Variants in ROBO1 observed in about 807,000 individuals in gnomAD.
ROBO1 encodes the protein roundabout homolog 1.
ROBO1 carries 149 observed loss-of-function variants against 195.9 expected under a neutral mutation model. The observed-to-expected ratio is 0.76, with a 90% confidence interval of 0.67 to 0.87. The LOEUF is 0.87. Ranked by LOEUF, ROBO1 falls within the 40% of genes least tolerant of loss-of-function variation. The probability of loss-of-function intolerance (pLI) is 0.00; values close to 1 mark genes in which losing one functional copy is unlikely to be tolerated. For synonymous variants in ROBO1, 816 were observed against 733.2 expected (o/e 1.11, Z -1.82); for missense variants, 1,933 against 2,068.3 (o/e 0.93, Z 1.27).
At chr3:79,616,472 G>A (rs1031377288) in intron 1 of ROBO1, among the ~76,000 whole-genome samples, 4 of 152,102 alleles carry the variant, frequency 2.6e-5, no homozygotes, top group South Asian at 2.1e-4. Flanking sequence ...AATATGGGAC[G>A]GCCCTAGGGT....
At chr3:79,514,062 C>T (rs1940838831) in intron 2 of ROBO1, among the ~76,000 whole-genome samples, 1 of 152,190 alleles carries the variant, frequency 6.6e-6, no homozygotes, top group African/African-American at 2.4e-5. Context: ...TCCCAACACA[C>T]TTACCCCAAT....
chr3:79,682,240 T>A (rs1423345997), intron 1 of ROBO1, among the ~76,000 whole-genome samples: 1 of 152,018 alleles, frequency 6.6e-6, no homozygotes, highest in Non-Finnish European at 1.5e-5. Flanking sequence ...TAATTAGCAT[T>A]TTAGCTCAAA....
intron 3 of ROBO1, among the ~76,000 whole-genome samples, chr3:79,080,080 G>A (rs2079243572): frequency 6.6e-6 from 1 of 151,662 alleles, no homozygotes; most frequent in African/African-American, 2.4e-5. Flanking sequence ...TGTTAGTGGT[G>A]TGTTCATAAA....
intron 2 of ROBO1, among the ~76,000 whole-genome samples, chr3:79,315,807 A>C (rs1193650853): frequency 6.6e-6 from 1 of 152,234 alleles, no homozygotes; most frequent in African/African-American, 2.4e-5. Context: ...CAACATACAC[A>C]TAGACTGCAT....
At chr3:79,464,078 C>T (rs1937810973) in intron 2 of ROBO1, among the ~76,000 whole-genome samples, 1 of 152,158 alleles carries the variant, frequency 6.6e-6, no homozygotes, top group South Asian at 2.1e-4. Context: ...CTAATATTTT[C>T]AAGGTTCTTC....
At chr3:79,024,059 C>T (rs188770912) in intron 3 of ROBO1, among the ~76,000 whole-genome samples, 3 of 152,226 alleles carry the variant, frequency 2.0e-5, no homozygotes, top group Admixed American at 2.0e-4. Flanking sequence ...AAAGGACCAT[C>T]ATCCCAATGG....
intron 4 of ROBO1, among the ~76,000 whole-genome samples, chr3:78,902,786 G>T (rs941959913): frequency 6.6e-6 from 1 of 152,184 alleles, no homozygotes; most frequent in African/African-American, 2.4e-5. Context: ...GGAGACTGCA[G>T]TGAGCCCAGA....
At chr3:78,681,581 C>A (rs940233198) in intron 10 of ROBO1, among the ~76,000 whole-genome samples, 2 of 152,120 alleles carry the variant, frequency 1.3e-5, no homozygotes, top group Non-Finnish European at 2.9e-5. Flanking sequence ...TGAAGCTTCA[C>A]GTTGGTGGAA....
intron 4 of ROBO1, among the ~76,000 whole-genome samples, chr3:78,798,109 A>G (rs555831283): frequency 2.0e-5 from 3 of 152,336 alleles, no homozygotes; most frequent in Non-Finnish European, 4.4e-5. Flanking sequence ...TAAAGTTCAT[A>G]TGGGTACAGG....
At chr3:79,717,636 C>T (rs1702542311) in intron 1 of ROBO1, among the ~76,000 whole-genome samples, 1 of 151,966 alleles carries the variant, frequency 6.6e-6, no homozygotes, top group Non-Finnish European at 1.5e-5. Context: ...ACATCAGTTG[C>T]AAAGTTATTA....
chr3:79,745,384 TA>T (rs911635549), intron 1 of ROBO1, among the ~76,000 whole-genome samples: 1 of 152,166 alleles, frequency 6.6e-6, no homozygotes, highest in African/African-American at 2.4e-5. Context: ...TTGTCTTTTT[TA>T]AAAAAATAGG....
chr3:79,025,835 T>C (rs1486092360), intron 3 of ROBO1, among the ~76,000 whole-genome samples: 3 of 152,136 alleles, frequency 2.0e-5, no homozygotes, highest in African/African-American at 7.2e-5. Flanking sequence ...TTTTCATAAA[T>C]GAGAAAACTG....
intron 4 of ROBO1, among the ~76,000 whole-genome samples, chr3:78,857,681 T>C (rs2034538228): frequency 6.6e-6 from 1 of 152,192 alleles, no homozygotes; most frequent in South Asian, 2.1e-4. Context: ...ATCTGTGTTT[T>C]ATCAAGCCCT....
At chr3:78,686,930 T>C (rs1483312761) in intron 9 of ROBO1, among the ~76,000 whole-genome samples, 1 of 152,276 alleles carries the variant, frequency 6.6e-6, no homozygotes, top group Middle Eastern at 3.4e-3. Context: ...CACAAAAAAA[T>C]AGATCATGTT....
intron 3 of ROBO1, among the ~76,000 whole-genome samples, chr3:79,042,219 T>G (rs1395898810): frequency 6.6e-6 from 1 of 152,202 alleles, no homozygotes; most frequent in African/African-American, 2.4e-5. Context: ...CAACAATATT[T>G]TGAGCAGATA....
chr3:78,987,595 A>AGG (rs1424747412), intron 3 of ROBO1, among the ~76,000 whole-genome samples: 4 of 152,146 alleles, frequency 2.6e-5, no homozygotes, highest in Non-Finnish European at 5.9e-5. Flanking sequence ...GCCTTCATAA[A>AGG]GGTCCTTGAG....
At chr3:78,960,238 G>A (rs2041266403) in intron 3 of ROBO1, among the ~76,000 whole-genome samples, 1 of 151,658 alleles carries the variant, frequency 6.6e-6, no homozygotes, top group African/African-American at 2.4e-5. Flanking sequence ...CAGAAATACA[G>A]TGCCCTTAAA....
At chr3:79,444,291 CA>C (rs2039161200) in intron 2 of ROBO1, among the ~76,000 whole-genome samples, 1 of 151,688 alleles carries the variant, frequency 6.6e-6, no homozygotes, top group South Asian at 2.1e-4. Context: ...AAATAGCAAA[CA>C]AAATGGGTTT....
chr3:79,550,658 G>T (rs1275095559), intron 2 of ROBO1, among the ~76,000 whole-genome samples: 2 of 152,146 alleles, frequency 1.3e-5, no homozygotes, highest in Non-Finnish European at 2.9e-5. Context: ...TTATTAGGGA[G>T]AAATAATTCC....
Sources: allele counts gnomAD v4.1 joint callset (sites outside exome capture counted in the v4.1 genomes callset), GRCh38; gene constraint gnomAD v4.1.1; transcripts MANE v1.5; gene names NCBI Gene and HGNC (gene_info 2026-07-23, HGNC 2026-07-21).